The following TPRG1 variants were observed in gnomAD, a reference collection of about 807,000 sequenced individuals.
TPRG1 encodes tumor protein p63-regulated gene 1 protein.
Under a neutral mutation model 29.3 loss-of-function variants are expected in TPRG1, and 29 were observed. That is an observed-to-expected ratio of 0.99 (90% CI 0.74 to 1.35). The LOEUF is 1.35. Among genes scored for constraint, TPRG1 ranks in the 40% most tolerant of loss-of-function variants. The pLI is 0.00. For missense variants in TPRG1, 327 were observed against 335.0 expected, an observed-to-expected ratio of 0.98 and a Z score of 0.19; for synonymous variants, 130 against 116.8, an observed-to-expected ratio of 1.11 and a Z score of -0.73.
rs573022373 is a variant in TPRG1 at position 189,104,505 on chromosome 3, G to T, written c.-744+4301G>T. On this transcript the variant is annotated intron_variant, in intron 1 of 6. Transcript: ENST00000412373. ...CAGACTTAAGTCAACATAAATATTA[G>T]CCCAGGACTCTCACTTGGCTCAGTC... is the stretch of plus-strand genomic sequence containing the variant. Among the ~76,000 whole-genome samples, 144 of 151,994 alleles carry T rather than the reference G, an allele frequency of 9.5e-4. 5 individuals are homozygous for T. The South Asian group carries it at 0.029, about 30-fold the overall frequency.
At chr3:189,230,109 G>A (rs1738398451) in intron 3 of TPRG1, among the ~76,000 whole-genome samples, 1 of 152,184 alleles carries the variant, frequency 6.6e-6, no homozygotes, top group Non-Finnish European at 1.5e-5. Context: ...CTCCTGGTGT[G>A]CTGTAGAGTA....
At chr3:189,218,600 A>G in intron 3 of TPRG1, among the ~76,000 whole-genome samples, 1 of 152,218 alleles carries the variant, frequency 6.6e-6, no homozygotes, top group East Asian at 1.9e-4. Context: ...TTTACTGTGT[A>G]TAGCACATGT....
intron 3 of TPRG1, among the ~76,000 whole-genome samples, chr3:189,227,452 C>G (rs1052994447): frequency 2.0e-5 from 3 of 152,214 alleles, no homozygotes; most frequent in Admixed American, 6.5e-5. Flanking sequence ...GTTTTAGTTC[C>G]TGAACTGAAT....
chr3:189,240,718 G>T (rs1740428833), intron 4 of TPRG1: 1 of 152,110 alleles, frequency 6.6e-6, no homozygotes, highest in African/African-American at 2.4e-5. Flanking sequence ...GGGAATTGTG[G>T]GTGTTACAAT....
intron 4 of TPRG1, among the ~76,000 whole-genome samples, chr3:189,149,704 C>G (rs1414890050): frequency 6.6e-6 from 1 of 152,184 alleles, no homozygotes; most frequent in Non-Finnish European, 1.5e-5. Flanking sequence ...TGCCCACTCT[C>G]TCTGCATGGT....
At chr3:189,175,304 A>C (rs1285804794) in intron 1 of TPRG1, among the ~76,000 whole-genome samples, 1 of 152,218 alleles carries the variant, frequency 6.6e-6, no homozygotes, top group African/African-American at 2.4e-5. Context: ...AGAGTTTTCA[A>C]CAAGAGAAGA....
intron 3 of TPRG1, among the ~76,000 whole-genome samples, chr3:189,147,229 AAG>A (rs1375593331): frequency 6.6e-6 from 1 of 152,186 alleles, no homozygotes; most frequent in Non-Finnish European, 1.5e-5. Flanking sequence ...TGTGAATTAA[AAG>A]AGACTTGCTT....
intron 4 of TPRG1, among the ~76,000 whole-genome samples, chr3:189,062,459 T>C (rs1171740399): frequency 6.6e-6 from 1 of 151,886 alleles, no homozygotes; most frequent in Non-Finnish European, 1.5e-5. Flanking sequence ...AAAAAGAAAA[T>C]GATAATTTTT....
intron 4 of TPRG1, among the ~76,000 whole-genome samples, chr3:189,304,265 G>T (rs1229299190): frequency 6.6e-6 from 1 of 152,128 alleles, no homozygotes. Flanking sequence ...GCCCGGAGAA[G>T]TAAAAGGTTC....
At chr3:189,310,342 G>A in intron 4 of TPRG1, 44 bp from the exon 5 acceptor site, 1 of 1,241,290 alleles carries the variant, frequency 8.1e-7, no homozygotes, top group Non-Finnish European at 1.1e-6. Flanking sequence ...TTTTTTTTTT[G>A]GAAATGGAAA....
At chr3:189,198,244 G>A (rs1252637661) in intron 1 of TPRG1, among the ~76,000 whole-genome samples, 2 of 152,270 alleles carry the variant, frequency 1.3e-5, no homozygotes, top group South Asian at 2.1e-4. Flanking sequence ...CTAGTGTACA[G>A]TCAGCTCTGA....
At chr3:189,062,976 A>G (rs1334709056) in intron 4 of TPRG1, among the ~76,000 whole-genome samples, 3 of 152,080 alleles carry the variant, frequency 2.0e-5, no homozygotes, top group Admixed American at 6.6e-5. Flanking sequence ...AGAGATTGGT[A>G]GAGTGAACAA....
In TPRG1 at chr3:189,320,897, T is replaced by C; in HGVS notation, c.*77T>C. ...ATTCCAGTTTGACCCACGCTATTTT[T>C]GGACTGAAACAATTAATTATTTTTA... On this transcript the variant is annotated 3_prime_UTR_variant, in exon 6 of 6. Transcript: ENST00000345063. 1 of 1,195,048 alleles carries C rather than the reference T, an allele frequency of 8.4e-7. No individual in the cohort carries two copies. Among genetic ancestry groups the C allele is most frequent in the Non-Finnish European group, 1.1e-6 (1 of 889,934 alleles). The allele number at this position is 1,195,048 out of a possible 1,614,324, so 74.0% of individuals were successfully genotyped here.
At chr3:189,080,117 G>A (rs1288747549) in intron 4 of TPRG1, among the ~76,000 whole-genome samples, 2 of 152,194 alleles carry the variant, frequency 1.3e-5, no homozygotes, top group African/African-American at 4.8e-5. Context: ...GGACAAGACT[G>A]TAAGAGCTAG....
intron 3 of TPRG1, among the ~76,000 whole-genome samples, chr3:189,137,960 T>G (rs1357879164): frequency 6.6e-6 from 1 of 152,038 alleles, no homozygotes; most frequent in Non-Finnish European, 1.5e-5. Flanking sequence ...CCATAGATAA[T>G]AGACAAAAAT....
At chr3:189,051,262 C>G (rs565252492) in intron 4 of TPRG1, among the ~76,000 whole-genome samples, 2 of 152,122 alleles carry the variant, frequency 1.3e-5, no homozygotes, top group African/African-American at 2.4e-5. Context: ...TTAATGTACA[C>G]AAATCAGTAG....
At chr3:189,320,203 G>A (rs550345149) in intron 5 of TPRG1, among the ~76,000 whole-genome samples, 11 of 152,038 alleles carry the variant, frequency 7.2e-5, no homozygotes, top group South Asian at 2.1e-4. Flanking sequence ...TGTTGTAGGC[G>A]CTTCATCAAT....
At chr3:189,010,549 T>C (rs1712544396) in intron 3 of TPRG1, among the ~76,000 whole-genome samples, 1 of 152,256 alleles carries the variant, frequency 6.6e-6, no homozygotes, top group Non-Finnish European at 1.5e-5. Flanking sequence ...TTGAGCATTT[T>C]TTTCATGTTT....
chr3:189,023,280 G>C (rs1251832242), intron 3 of TPRG1, among the ~76,000 whole-genome samples: 1 of 152,138 alleles, frequency 6.6e-6, no homozygotes, highest in Non-Finnish European at 1.5e-5. Flanking sequence ...TACTCCACTT[G>C]GTCTGTTCTG....
Sources: gnomAD v4.1 joint callset for allele counts (sites outside exome capture counted in the v4.1 genomes callset) on GRCh38, gnomAD v4.1.1 for gene constraint, MANE v1.5 for transcripts, NCBI Gene and HGNC (gene_info 2026-07-23, HGNC 2026-07-21) for gene names.